The following TBC1D19 variants were observed in gnomAD, a reference collection of about 807,000 sequenced individuals.
TBC1D19 encodes TBC1 domain family member 19.
A neutral mutation model predicts 89.0 loss-of-function variants in TBC1D19; 60 were observed. The observed-to-expected ratio is 0.67, with a 90% confidence interval of 0.55 to 0.84. The LOEUF (loss-of-function observed/expected upper bound fraction) is 0.84, where lower values mean the gene tolerates loss of function less well. TBC1D19 is among the 40% of genes least tolerant of loss of function. The pLI, the probability that TBC1D19 is intolerant of heterozygous loss-of-function variation, is 0.00. For missense variants in TBC1D19, 500 were observed against 610.8 expected, an observed-to-expected ratio of 0.82 and a Z score of 1.91; for synonymous variants, 189 against 199.7, an observed-to-expected ratio of 0.95 and a Z score of 0.45.
intron 7 of TBC1D19, among the ~76,000 whole-genome samples, chr4:26,654,751 A>G (rs957618780): frequency 6.6e-6 from 1 of 151,946 alleles, no homozygotes; most frequent in African/African-American, 2.4e-5. Context: ...ACTTCTCTGC[A>G]TTGGTTATTC....
chr4:26,620,622 A>T lies in TBC1D19; in HGVS notation c.228A>T (p.Leu76Phe), dbSNP rs1478674997. The change falls in exon 4 of 21, where the codon TTA becomes TTT. Residue 76 changes from leucine (L) to phenylalanine (F), a missense_variant. Around this residue, in one of 2 missense-constraint regions of TBC1D19, gnomAD observed 280 missense variants for 291.7 expected, o/e 0.96. Transcript: ENST00000264866. ...CTCTTTTTGCTCCTAGGTTTCCTTTACCTAGTCATCCTGCTGCACCTCCTG... is the reference window on the plus strand; with the variant it reads ...CTCTTTTTGCTCCTAGGTTTCCTTTTCCTAGTCATCCTGCTGCACCTCCTG... Reference protein sequence around the residue: ...AVYSELSVFPLPSHPAAPPEH... With the variant: ...AVYSELSVFPFPSHPAAPPEH... 1 of 1,613,582 alleles carries T rather than the reference A, an allele frequency of 6.2e-7. No individual in the cohort carries two copies. The highest frequency in any genetic ancestry group is 1.3e-5 in the African/African-American group (1 of 74,916).
Position 26,613,308 on chromosome 4 carries a change from A to T in TBC1D19, c.172+67A>T, listed in dbSNP as rs1356268311. The T allele has an allele frequency of 1.5e-5, 15 of 1,033,682 alleles. No individual in the cohort carries two copies. The Admixed American group carries it at 2.1e-4, about 14-fold the overall frequency. The allele number at this position is 1,033,682 out of a possible 1,614,324, so 64.0% of individuals were successfully genotyped here. A position where few individuals can be genotyped will look rare whatever the true frequency, so the allele number is the denominator to read the frequency against. On this transcript the variant is annotated intron_variant, in intron 2 of 20. Coordinates refer to ENST00000264866, the MANE Select transcript of TBC1D19 (RefSeq NM_018317.4). ...ATGTTTTATTTATTCCTAATTCTTT[A>T]AGCCCTCAAGCTTGTACAACCACCT...
At chr4:26,776,170 A>C in the TBC1D19 span, among the ~76,000 whole-genome samples, 2 of 152,202 alleles carry the variant, frequency 1.3e-5, no homozygotes, top group African/African-American at 4.8e-5. Context: ...TCTGATCGTT[A>C]GGTCTAATCA....
At position 26,666,399 on chromosome 4, in the gene TBC1D19, C is replaced by T; in HGVS notation, c.658C>T (p.Pro220Ser). 1.2e-6 allele frequency: 2 copies of T among 1,607,566 alleles called. No homozygotes were observed. The highest frequency in any genetic ancestry group is 8.5e-7 in the Non-Finnish European group (1 of 1,175,988). ...QLGIDDSTQV[P>S]PELFENEHVR... is the part of the protein sequence containing the mutation. ...GGGTATAGATGATTCTACACAAGTG[C>T]CTCCTGGTTAGTATTTTTCCAACGG... The change falls in exon 9 of 21, where the codon CCT becomes TCT. Residue 220 changes from proline (P) to serine (S), a missense_variant. Transcript: ENST00000264866.
upstream of TBC1D19, chr4:26,583,916 T>C: frequency 2.3e-6 from 1 of 442,424 alleles, no homozygotes; most frequent in South Asian, 2.6e-5. Flanking sequence ...CTTTCTTGCC[T>C]TTCAACCATA....
At chr4:26,597,625 A>G (rs140382526) in intron 1 of TBC1D19, among the ~76,000 whole-genome samples, 1,919 of 151,334 alleles carry the variant, frequency 0.013, 35 homozygotes, top group African/African-American at 0.043. Flanking sequence ...CAGCCTCCCA[A>G]AGTGCTGGGA....
intron 1 of TBC1D19, among the ~76,000 whole-genome samples, chr4:26,585,522 C>T (rs530832723): frequency 6.6e-6 from 1 of 151,520 alleles, no homozygotes; most frequent in East Asian, 1.9e-4. Flanking sequence ...TGTAAGGATT[C>T]TTTCTATATG....
At chr4:26,738,374 T>C (rs1257724793) in intron 16 of TBC1D19, among the ~76,000 whole-genome samples, 1 of 151,624 alleles carries the variant, frequency 6.6e-6, no homozygotes, top group Non-Finnish European at 1.5e-5. Context: ...GGAAAAAATA[T>C]GCATCATTTT....
chr4:26,648,333 A>G (rs1258455383), intron 7 of TBC1D19, among the ~76,000 whole-genome samples: 2 of 152,242 alleles, frequency 1.3e-5, no homozygotes, highest in Admixed American at 1.3e-4. Context: ...CATTTTCAAT[A>G]AACAATGTAA....
At chr4:26,644,267 A>ATT (rs999245309) in intron 7 of TBC1D19, among the ~76,000 whole-genome samples, 5 of 152,340 alleles carry the variant, frequency 3.3e-5, no homozygotes, top group African/African-American at 1.2e-4. Flanking sequence ...GGCTGGTTCA[A>ATT]TGTATGCAAA....
At chr4:26,748,088 G>A (rs2109328204) in intron 18 of TBC1D19, among the ~76,000 whole-genome samples, 1 of 152,314 alleles carries the variant, frequency 6.6e-6, no homozygotes, top group East Asian at 1.9e-4. Flanking sequence ...TGTTAAGACT[G>A]TCAGAAGGTC....
At chr4:26,801,404 A>G in the TBC1D19 span, among the ~76,000 whole-genome samples, 1 of 152,184 alleles carries the variant, frequency 6.6e-6, no homozygotes, top group African/African-American at 2.4e-5. Context: ...TGTTGTGGTT[A>G]CTGTAGCCTT....
intron 3 of TBC1D19, among the ~76,000 whole-genome samples, chr4:26,618,953 CT>C (rs2110028593): frequency 6.6e-6 from 1 of 152,272 alleles, no homozygotes; most frequent in African/African-American, 2.4e-5. Context: ...ACTCTTATCT[CT>C]GCATATTACT....
intron 11 of TBC1D19, among the ~76,000 whole-genome samples, chr4:26,681,407 C>T (rs185581783): frequency 1.9e-3 from 287 of 151,748 alleles, no homozygotes; most frequent in African/African-American, 6.3e-3. Flanking sequence ...AAAAATCAGG[C>T]GGGTATGGTG....
chr4:26,819,264 G>T, the TBC1D19 span, among the ~76,000 whole-genome samples: 1 of 152,208 alleles, frequency 6.6e-6, no homozygotes, highest in Non-Finnish European at 1.5e-5. Context: ...GGGCACCAGT[G>T]GGGTGTGAGC....
the TBC1D19 span, chr4:26,858,289 A>C: frequency 2.0e-5 from 3 of 152,200 alleles, no homozygotes; most frequent in African/African-American, 4.8e-5. Context: ...TCTGAAAAAA[A>C]AAAAAGGCAT....
the TBC1D19 span, among the ~76,000 whole-genome samples, chr4:26,776,040 T>A: frequency 1.6e-4 from 25 of 152,302 alleles, no homozygotes; most frequent in African/African-American, 5.8e-4. Flanking sequence ...TTACTTGCCA[T>A]CAGGTATGAC....
At chr4:26,743,880 G>C (rs1205878757) in intron 18 of TBC1D19, among the ~76,000 whole-genome samples, 1 of 151,404 alleles carries the variant, frequency 6.6e-6, no homozygotes, top group Non-Finnish European at 1.5e-5. Flanking sequence ...TTCATTACTA[G>C]AAACAAATAT....
chr4:26,835,613 C>T, the TBC1D19 span, among the ~76,000 whole-genome samples: 1 of 152,174 alleles, frequency 6.6e-6, no homozygotes, highest in African/African-American at 2.4e-5. Flanking sequence ...TTCCTGAACA[C>T]CTCTCGAATC....
Sources: allele counts gnomAD v4.1 joint callset (sites outside exome capture counted in the v4.1 genomes callset), GRCh38; gene constraint gnomAD v4.1.1; regional missense constraint gnomAD v4.1.1; transcripts MANE v1.5; gene names NCBI Gene and HGNC (gene_info 2026-07-23, HGNC 2026-07-21).